The following KIRREL3 variants were observed in gnomAD, a reference collection of about 807,000 sequenced individuals.
KIRREL3 encodes the protein kin of IRRE-like protein 3.
In KIRREL3, 36 loss-of-function variants were observed where a neutral mutation model predicts 89.7. That is an observed-to-expected ratio of 0.40 (90% CI 0.31 to 0.53). KIRREL3 has a LOEUF of 0.53. KIRREL3 is among the 20% of genes least tolerant of loss of function. The probability of loss-of-function intolerance (pLI) is 0.49; values close to 1 mark genes in which losing one functional copy is unlikely to be tolerated. For missense variants in KIRREL3, 864 were observed against 1,056.6 expected (o/e 0.82, Z 2.53); for synonymous variants, 445 against 441.4 (o/e 1.01, Z -0.10).
At position 126,435,280 on chromosome 11, in the gene KIRREL3, C is replaced by A. The variant is rs770884794; in HGVS notation, c.1576G>T (p.Gly526Trp). The A allele has an allele frequency of 6.2e-7, 1 of 1,613,676 alleles. No homozygotes were observed. Reference sequence around the variant, plus strand: ...TCTCCTTCCGTACCTGCTTCCAGCCCGGCTCCCGACTTCATTTCCGAACCT... The same window carrying A: ...TCTCCTTCCGTACCTGCTTCCAGCCAGGCTCCCGACTTCATTTCCGAACCT... The part of the protein sequence containing the change: ...EQGSEMKSGA[G>W]LEAESVPMAV... Residue 526 changes from glycine (G) to tryptophan (W), a missense_variant, in exon 13 of 17, where the codon GGG becomes TGG. Transcript: ENST00000525144.
intron 1 of KIRREL3, among the ~76,000 whole-genome samples, chr11:126,712,337 A>C (rs775617146): frequency 4.0e-5 from 6 of 151,896 alleles, no homozygotes; most frequent in African/African-American, 9.7e-5. Context: ...TATCAAAGCA[A>C]TTCCCAAGGC....
intron 1 of KIRREL3, among the ~76,000 whole-genome samples, chr11:126,583,424 TC>T (rs969497746): frequency 5.3e-5 from 8 of 152,068 alleles, no homozygotes; most frequent in Non-Finnish European, 1.5e-5. Flanking sequence ...TCACAGACCA[TC>T]CCCCACTGAA....
Position 126,440,049 on chromosome 11 carries a change from C to T in KIRREL3, c.1353+400G>A, listed in dbSNP as rs2134174340. On this transcript the variant is annotated intron_variant, in intron 11 of 16. Coordinates refer to ENST00000525144, the MANE Select transcript of KIRREL3 (RefSeq NM_032531.4). ...GGCCACAGAGACCTGGCAAGGAGGG[C>T]TCCAGGAGGCACAGAAAGGGGTTGC... is the stretch of plus-strand genomic sequence containing the variant. The T allele has an allele frequency of 2.3e-5, 9 of 388,338 alleles. No individual in the cohort carries two copies. The Middle Eastern group carries it at 3.6e-3, about 155-fold the overall frequency. The allele number at this position is 388,338 out of a possible 1,614,324, so 24.1% of individuals were successfully genotyped here.
Position 126,709,838 on chromosome 11 carries a change from C to T in KIRREL3, c.56-146926G>A, listed in dbSNP as rs549261619. 2.2e-4 allele frequency among the ~76,000 whole-genome samples: 33 copies of T among 152,266 alleles called. No homozygotes were observed. Among genetic ancestry groups the T allele is most frequent in the African/African-American group, 5.5e-4 (23 of 41,536 alleles). On this transcript the variant is annotated intron_variant, in intron 1 of 16. Transcript: ENST00000525144. This position sits in a 1 kb window ranked among gnomAD's most constrained non-coding sequence, Gnocchi z 4.0. ...GCCCAGGGAAACTAATACAGGAGGC[C>T]GGGCAGGCATTGTCCAAGGGAGCTG...
intron 1 of KIRREL3, among the ~76,000 whole-genome samples, chr11:126,794,240 C>T (rs1950734242): frequency 6.6e-6 from 1 of 152,166 alleles, no homozygotes. Context: ...GTGTCTTTAG[C>T]AGTTACCTTG....
At chr11:126,820,647 T>C (rs1051396842) in intron 1 of KIRREL3, among the ~76,000 whole-genome samples, 2 of 151,872 alleles carry the variant, frequency 1.3e-5, no homozygotes, top group African/African-American at 4.8e-5. Flanking sequence ...GAAGGATGGA[T>C]GGGAGGGTCT....
chr11:126,638,672 C>A (rs1315946731), intron 1 of KIRREL3, among the ~76,000 whole-genome samples: 1 of 152,196 alleles, frequency 6.6e-6, no homozygotes, highest in Non-Finnish European at 1.5e-5. Flanking sequence ...ATGTTCACGT[C>A]ACTGCAGTTA....
chr11:126,852,164 C>T (rs1275734065), intron 1 of KIRREL3, among the ~76,000 whole-genome samples: 2 of 151,800 alleles, frequency 1.3e-5, no homozygotes, highest in African/African-American at 4.8e-5. Context: ...AGCGATTCTC[C>T]TGCCTCAGCC....
rs748456219 is a variant in KIRREL3, at chr11:126,918,069, G to A, written c.55+82386C>T. 2.6e-5 allele frequency among the ~76,000 whole-genome samples: 4 copies of A among 152,124 alleles called. No homozygotes were observed. Among genetic ancestry groups the A allele is most frequent in the Non-Finnish European group, 4.4e-5 (3 of 68,034 alleles). On this transcript the variant is annotated intron_variant, in intron 1 of 16. Transcript: ENST00000525144. The surrounding 1 kb of genome is among the most constrained non-coding windows in gnomAD (Gnocchi z 6.5). The stretch of plus-strand genomic sequence containing the variant: ...TGGTTTTGTGCATTCTCAGAAATAC[G>A]AGATTGGCCCATAATGATATGCATG...
At chr11:126,936,739 G>A (rs1280392297) in intron 1 of KIRREL3, 1 of 152,162 alleles carries the variant, frequency 6.6e-6, no homozygotes, top group Non-Finnish European at 1.5e-5. Flanking sequence ...AATTGTAGTT[G>A]CCCACAGCAG....
chr11:126,663,977 T>A (rs980222507), intron 1 of KIRREL3, among the ~76,000 whole-genome samples: 1 of 152,212 alleles, frequency 6.6e-6, no homozygotes, highest in Non-Finnish European at 1.5e-5. Context: ...GTCTGGAGAT[T>A]GGAAGGAATT....
chr11:126,616,901 C>A (rs1023141427), intron 1 of KIRREL3, among the ~76,000 whole-genome samples: 1 of 152,336 alleles, frequency 6.6e-6, no homozygotes, highest in African/African-American at 2.4e-5. Flanking sequence ...CTTGGCCTCC[C>A]AAAGTGTTGG....
At chr11:126,657,915 C>T (rs1166804404) in intron 1 of KIRREL3, among the ~76,000 whole-genome samples, 2 of 152,210 alleles carry the variant, frequency 1.3e-5, no homozygotes, top group Non-Finnish European at 2.9e-5. Context: ...ATCAAGACCA[C>T]CCAGCCCAGC....
Position 126,985,640 on chromosome 11 carries a change from A to G in KIRREL3, c.55+14815T>C, listed in dbSNP as rs1227400871. ...CGAGGGAGCAGAGCACATTCGGACA[A>G]TGTCAGCGGCTCCGTGTGTTGGAGT... On this transcript the variant is annotated intron_variant, in intron 1 of 16. Coordinates refer to ENST00000525144, the MANE Select transcript of KIRREL3 (RefSeq NM_032531.4). The surrounding 1 kb of genome is among the most constrained non-coding windows in gnomAD (Gnocchi z 5.3). Among the ~76,000 whole-genome samples, 1 of 152,024 alleles carries G rather than the reference A, an allele frequency of 6.6e-6. No individual in the cohort carries two copies. The highest frequency in any genetic ancestry group is 1.5e-5 in the Non-Finnish European group (1 of 68,008).
In KIRREL3 at chr11:126,909,303, G is replaced by A. The variant is rs536363208; in HGVS notation, c.55+91152C>T. Among the ~76,000 whole-genome samples, 1 of 152,256 alleles carries A rather than the reference G, an allele frequency of 6.6e-6. No individual in the cohort carries two copies. The highest frequency in any genetic ancestry group is 6.5e-5 in the Admixed American group (1 of 15,304). On this transcript the variant is annotated intron_variant, in intron 1 of 16. Coordinates refer to ENST00000525144, the MANE Select transcript of KIRREL3 (RefSeq NM_032531.4). This position sits in a 1 kb window ranked among gnomAD's most constrained non-coding sequence, Gnocchi z 4.5. ...GGACTCTTTACATTATAAGTGTGTG[G>A]CCCTGGGATCAACTGTGGACTTCTT... is the stretch of plus-strand genomic sequence containing the variant.
intron 4 of KIRREL3, among the ~76,000 whole-genome samples, chr11:126,480,623 C>T (rs1381131437): frequency 6.6e-6 from 1 of 152,208 alleles, no homozygotes; most frequent in Non-Finnish European, 1.5e-5. Context: ...CCACTAACCC[C>T]TGCCTTTGTC....
chr11:126,901,732 C>T (rs1206977426), intron 1 of KIRREL3, among the ~76,000 whole-genome samples: 2 of 152,214 alleles, frequency 1.3e-5, no homozygotes, highest in Non-Finnish European at 2.9e-5. Context: ...TTCATCTCCC[C>T]TACATGACTG....
chr11:126,826,431 T>A (rs999404276), intron 1 of KIRREL3, among the ~76,000 whole-genome samples: 1 of 152,206 alleles, frequency 6.6e-6, no homozygotes, highest in Non-Finnish European at 1.5e-5. Flanking sequence ...CTATTTTTTT[T>A]ATTGCTGTTT....
chr11:126,424,388 T>C lies in KIRREL3; in HGVS notation c.*192A>G. 1 of 382,720 alleles carries C rather than the reference T, an allele frequency of 2.6e-6. No homozygotes were observed. The highest frequency in any genetic ancestry group is 5.0e-6 in the Non-Finnish European group (1 of 199,002). The allele number at this position is 382,720 out of a possible 1,614,324, so 23.7% of individuals were successfully genotyped here. On this transcript the variant is annotated 3_prime_UTR_variant, in exon 17 of 17. Coordinates refer to ENST00000525144, the MANE Select transcript of KIRREL3 (RefSeq NM_032531.4). ...GTCTGTCTCCCCACCCGCCCACCTC[T>C]GGCACACAGCACCTGGGGACCCAGA...
Sources: gnomAD v4.1 joint callset for allele counts (sites outside exome capture counted in the v4.1 genomes callset) on GRCh38, gnomAD v4.1.1 for gene constraint, Gnocchi (gnomAD v3.1) non-coding constraint, MANE v1.5 for transcripts, NCBI Gene and HGNC (gene_info 2026-07-23, HGNC 2026-07-21) for gene names.